The following BLTP3B variants were observed in gnomAD, a reference collection of about 807,000 sequenced individuals.
BLTP3B encodes the protein UHRF1 (ICBP90) binding protein 1-like.
the BLTP3B span, chr12:100,058,070 CTCT>C: frequency 6.3e-7 from 1 of 1,589,904 alleles, no homozygotes. Context: ...CTGGGGGGGT[CTCT>C]TCTTTACTGA....
At chr12:100,045,062 AAGG>A in the BLTP3B span, among the ~76,000 whole-genome samples, 1 of 152,236 alleles carries the variant, frequency 6.6e-6, no homozygotes, top group Admixed American at 6.5e-5. Context: ...GGACCTCTTC[AAGG>A]AGAACTACAA....
chr12:100,093,052 T>C, the BLTP3B span: 15 of 744,614 alleles, frequency 2.0e-5, no homozygotes, highest in South Asian at 7.4e-4. Flanking sequence ...CATAGGAAAA[T>C]GTCCAAATTC....
chr12:100,142,443 G>T, the BLTP3B span: 1 of 810,612 alleles, frequency 1.2e-6, no homozygotes, highest in Non-Finnish European at 1.8e-6. Context: ...GAGATCCGGG[G>T]CCGCGACCTC....
At chr12:100,040,492 GCCAACATGTGAAA>G in the BLTP3B span, among the ~76,000 whole-genome samples, 1 of 152,170 alleles carries the variant, frequency 6.6e-6, no homozygotes, top group Non-Finnish European at 1.5e-5. Flanking sequence ...GACCAGCCTG[GCCAACATGTGAAA>G]CCCCATCTCT....
the BLTP3B span, chr12:100,058,926 C>A: frequency 6.2e-7 from 1 of 1,614,014 alleles, no homozygotes; most frequent in South Asian, 1.1e-5. Context: ...AGGCTTCTGA[C>A]CACCATTTGT....
the BLTP3B span, among the ~76,000 whole-genome samples, chr12:100,072,398 T>C: frequency 9.2e-5 from 14 of 151,980 alleles, no homozygotes; most frequent in Non-Finnish European, 1.8e-4. Flanking sequence ...TTATGCACTA[T>C]ACACAATAAG....
the BLTP3B span, among the ~76,000 whole-genome samples, chr12:100,132,161 T>A: frequency 6.6e-6 from 1 of 152,296 alleles, no homozygotes; most frequent in South Asian, 2.1e-4. Flanking sequence ...ATGTAATTGA[T>A]AAGAGATCAA....
chr12:100,115,203 C>G, the BLTP3B span, among the ~76,000 whole-genome samples: 4 of 151,924 alleles, frequency 2.6e-5, no homozygotes, highest in Admixed American at 1.3e-4. Context: ...GTCAGCAATT[C>G]GAGACCAGCC....
At chr12:100,042,931 C>G in the BLTP3B span, among the ~76,000 whole-genome samples, 1 of 152,138 alleles carries the variant, frequency 6.6e-6, no homozygotes, top group Non-Finnish European at 1.5e-5. Flanking sequence ...TCCAGGGTAG[C>G]TCGGATTACA....
chr12:100,102,899 C>T, the BLTP3B span: 6 of 1,154,756 alleles, frequency 5.2e-6, no homozygotes, highest in African/African-American at 6.5e-5. Context: ...ATTATTTATT[C>T]TACGTATATT....
chr12:100,060,946 GTTAT>G, the BLTP3B span, among the ~76,000 whole-genome samples: 2 of 152,122 alleles, frequency 1.3e-5, no homozygotes, highest in Non-Finnish European at 2.9e-5. Flanking sequence ...ATTTGCTTAT[GTTAT>G]TTATTTATTC....
At chr12:100,098,203 G>T in the BLTP3B span, 1 of 805,776 alleles carries the variant, frequency 1.2e-6, no homozygotes, top group Non-Finnish European at 1.9e-6. Flanking sequence ...GAGCAACAGA[G>T]TGAGACCCTG....
At chr12:100,135,192 C>A in the BLTP3B span, among the ~76,000 whole-genome samples, 1 of 152,192 alleles carries the variant, frequency 6.6e-6, no homozygotes, top group Non-Finnish European at 1.5e-5. Context: ...AAATATCAAA[C>A]AAGTTCCCAG....
chr12:100,040,710 A>G, the BLTP3B span, among the ~76,000 whole-genome samples: 1 of 151,870 alleles, frequency 6.6e-6, no homozygotes, highest in Non-Finnish European at 1.5e-5. Flanking sequence ...CAACAACAAA[A>G]AAAAACTATG....
the BLTP3B span, among the ~76,000 whole-genome samples, chr12:100,141,250 G>A: frequency 6.6e-6 from 1 of 151,336 alleles, no homozygotes; most frequent in Non-Finnish European, 1.5e-5. Flanking sequence ...CTGGGAGGCC[G>A]AGGACCGCGG....
At chr12:100,107,056 G>C in the BLTP3B span, among the ~76,000 whole-genome samples, 9 of 152,036 alleles carry the variant, frequency 5.9e-5, no homozygotes, top group Non-Finnish European at 1.3e-4. Context: ...GGGAGGCAGA[G>C]GCGGGTGGTG....
chr12:100,057,789 G>T, the BLTP3B span: 7 of 1,499,280 alleles, frequency 4.7e-6, no homozygotes, highest in South Asian at 1.3e-5. Context: ...ATAGAGAAAA[G>T]AATTCTATCT....
At chr12:100,056,763 G>A in the BLTP3B span, among the ~76,000 whole-genome samples, 1 of 151,332 alleles carries the variant, frequency 6.6e-6, no homozygotes, top group Non-Finnish European at 1.5e-5. Context: ...GCTTGAACCC[G>A]AAGGCAGAGG....
At chr12:100,072,746 T>C in the BLTP3B span, 1 of 1,607,812 alleles carries the variant, frequency 6.2e-7, no homozygotes, top group African/African-American at 1.3e-5. Flanking sequence ...TTGTGGAAGA[T>C]ATAGGGATTT....
Sources: allele counts gnomAD v4.1 joint callset (sites outside exome capture counted in the v4.1 genomes callset), GRCh38; gene constraint gnomAD v4.1.1; transcripts MANE v1.5; gene names NCBI Gene and HGNC (gene_info 2026-07-23, HGNC 2026-07-21).